PCDHA8: variants seen among roughly 807,000 people sequenced by gnomAD.
PCDHA8 encodes protocadherin alpha 8.
PCDHA8 carries 53 observed loss-of-function variants against 61.8 expected under a neutral mutation model. The ratio of observed to expected loss-of-function variants is 0.86; its 90% confidence interval spans 0.69 to 1.08. The LOEUF is 1.08. Ranked by LOEUF, PCDHA8 falls within the 50% of genes least tolerant of loss-of-function variation. The probability of loss-of-function intolerance (pLI) is 0.00; values close to 1 mark genes in which losing one functional copy is unlikely to be tolerated. For synonymous variants in PCDHA8, 618 were observed against 556.6 expected, an observed-to-expected ratio of 1.11 and a Z score of -1.55; for missense variants, 1,293 against 1,245.0, an observed-to-expected ratio of 1.04 and a Z score of -0.58.
In PCDHA8 at chr5:140,841,445, G is replaced by C. The variant is rs1777235481; in HGVS notation, c.124G>C (p.Gly42Arg). ...HYSVPEEAKHGTFVGRIAQDL... is the reference protein window; with the variant it reads ...HYSVPEEAKHRTFVGRIAQDL... The stretch of plus-strand genomic sequence containing the variant: ...CTCCGTCCCCGAGGAGGCCAAACAC[G>C]GCACCTTCGTGGGCCGGATCGCGCA... Residue 42 changes from glycine (G) to arginine (R), a missense_variant, in exon 1 of 4, where the codon GGC becomes CGC. Gly to Arg is a moderately radical substitution (Grantham distance 125). Coordinates refer to ENST00000531613, the MANE Select transcript of PCDHA8 (RefSeq NM_018911.3). The C allele has an allele frequency of 3.7e-6, 6 of 1,612,934 alleles. No homozygotes were observed. Among genetic ancestry groups the C allele is most frequent in the South Asian group, 1.1e-5 (1 of 91,024 alleles).
rs2150412842 is a variant in PCDHA8 at position 140,848,560 on chromosome 5, C to A, written c.2394+4845C>A. 2.5e-6 allele frequency: 4 copies of A among 1,595,490 alleles called. No homozygotes were observed. The highest frequency in any genetic ancestry group is 3.4e-5 in the Admixed American group (2 of 59,252). On this transcript the variant is annotated intron_variant, in intron 1 of 3. Coordinates refer to ENST00000531613, the MANE Select transcript of PCDHA8 (RefSeq NM_018911.3). ...CTACTGCTCTCGCTTCTGATCCTCG[C>A]AATGTGGGTGGTGGGGAGCGGCCAG...
intron 1 of PCDHA8, among the ~76,000 whole-genome samples, chr5:140,925,337 A>G (rs2082438861): frequency 6.6e-6 from 1 of 152,072 alleles, no homozygotes; most frequent in South Asian, 2.1e-4. Flanking sequence ...TAAAAGAAGG[A>G]TTTGAGTGAG....
chr5:140,850,984 T>G (rs2150504982), intron 1 of PCDHA8: 15 of 1,451,674 alleles, frequency 1.0e-5, no homozygotes, highest in Non-Finnish European at 1.3e-5. Flanking sequence ...GTTTTATTCA[T>G]TTTTCTAGAA....
In PCDHA8 at chr5:140,842,984, G is replaced by A. The variant is rs2150349206; in HGVS notation, c.1663G>A (p.Val555Met). 26 of 1,594,918 alleles carry A rather than the reference G, an allele frequency of 1.6e-5. 1 individual carries two copies. The East Asian group carries it at 4.7e-4, about 29-fold the overall frequency. The change falls in exon 1 of 4, where the codon GTG becomes ATG. Residue 555 changes from valine to methionine, a missense_variant. Coordinates refer to ENST00000531613, the MANE Select transcript of PCDHA8 (RefSeq NM_018911.3). ...LGSNVTLQVF[V>M]LDENDNAPAL... ...CAGCAACGTGACGCTGCAGGTGTTCGTGCTGGACGAGAATGACAACGCGCC... is the reference window on the plus strand; with the variant it reads ...CAGCAACGTGACGCTGCAGGTGTTCATGCTGGACGAGAATGACAACGCGCC...
At chr5:140,964,840 C>G (rs1270845085) in intron 1 of PCDHA8, among the ~76,000 whole-genome samples, 1 of 152,152 alleles carries the variant, frequency 6.6e-6, no homozygotes, top group Non-Finnish European at 1.5e-5. Flanking sequence ...GCTTCCTACT[C>G]TGTACCCTTG....
intron 1 of PCDHA8, chr5:140,883,878 C>T: frequency 1.9e-6 from 3 of 1,613,260 alleles, no homozygotes; most frequent in Middle Eastern, 1.7e-4. Context: ...CAGGTGAGCG[C>T]GCGCGACTCT....
chr5:140,870,317 C>T (rs782216904), intron 1 of PCDHA8: 9 of 1,614,198 alleles, frequency 5.6e-6, no homozygotes, highest in South Asian at 2.2e-5. Flanking sequence ...AATTACTACT[C>T]GTTGGTGCTG....
chr5:140,924,909 AAT>A (rs1563069038), intron 1 of PCDHA8, among the ~76,000 whole-genome samples: 1,502 of 66,200 alleles, frequency 0.023, 33 homozygotes, highest in African/African-American at 0.07. Context: ...AAAAAAATAA[AAT>A]AAAATAAAAT....
intron 1 of PCDHA8, chr5:140,876,047 C>T (rs1305657261): frequency 5.0e-6 from 8 of 1,613,744 alleles, no homozygotes; most frequent in Non-Finnish European, 6.8e-6. Context: ...AGTATATTGC[C>T]TGAATTAGTT....
intron 3 of PCDHA8, among the ~76,000 whole-genome samples, chr5:141,005,619 G>A (rs996010701): frequency 6.8e-5 from 10 of 146,082 alleles, no homozygotes; most frequent in South Asian, 2.2e-4. Flanking sequence ...GGAGAATGGC[G>A]TGAACCCGGG....
chr5:140,857,552 T>G lies in PCDHA8; in HGVS notation c.2394+13837T>G, dbSNP rs782203645. 82 of 1,596,700 alleles carry G rather than the reference T, an allele frequency of 5.1e-5. 3 individuals carry two copies. The Middle Eastern group carries it at 9.6e-4, about 19-fold the overall frequency. ...GGTGGAGCGGCGGTTGGGCGAGCGC[T>G]CGCTGTCGAGCTACGTGTCGGTGCA... On this transcript the variant is annotated intron_variant, in intron 1 of 3. Transcript: ENST00000531613.
intron 1 of PCDHA8, among the ~76,000 whole-genome samples, chr5:140,893,065 A>G (rs2063802609): frequency 6.6e-6 from 1 of 152,226 alleles, no homozygotes; most frequent in South Asian, 2.1e-4. Context: ...TACTGCCATG[A>G]ATAACAGGAT....
intron 3 of PCDHA8, among the ~76,000 whole-genome samples, chr5:140,988,231 A>G (rs2097289009): frequency 6.6e-6 from 1 of 152,150 alleles, no homozygotes. Context: ...TCAGGGATCT[A>G]TGTGAGTGGG....
chr5:140,899,969 A>G (rs2067649868), intron 1 of PCDHA8, among the ~76,000 whole-genome samples: 1 of 151,820 alleles, frequency 6.6e-6, no homozygotes, highest in African/African-American at 2.4e-5. Flanking sequence ...TGCCATGCCC[A>G]GCTACTTTTT....
chr5:140,967,451 G>A, intron 1 of PCDHA8: 2 of 1,613,628 alleles, frequency 1.2e-6, no homozygotes, highest in South Asian at 2.2e-5. Flanking sequence ...GGTTCTCACA[G>A]CCGTGGATGG....
At chr5:140,875,518 C>T in intron 1 of PCDHA8, 1 of 1,614,008 alleles carries the variant, frequency 6.2e-7, no homozygotes, top group Non-Finnish European at 8.5e-7. Flanking sequence ...GCGTCTGCTG[C>T]TCTCGCTTCT....
intron 1 of PCDHA8, among the ~76,000 whole-genome samples, chr5:140,899,719 C>A (rs2067514429): frequency 6.6e-6 from 1 of 152,198 alleles, no homozygotes; most frequent in Non-Finnish European, 1.5e-5. Flanking sequence ...AGGATTCCCT[C>A]TTTTTCTATT....
chr5:140,969,023 C>T lies in PCDHA8; in HGVS notation c.2395-9926C>T. ...CTTCTGTGGAGTAAGGGAAAGGTCC[C>T]CTGCAGAACTGTACAAACAAGCCAA... is the stretch of plus-strand genomic sequence containing the variant. On this transcript the variant is annotated intron_variant, in intron 1 of 3. Coordinates refer to ENST00000531613, the MANE Select transcript of PCDHA8 (RefSeq NM_018911.3). The T allele has an allele frequency of 3.1e-6, 5 of 1,614,124 alleles. No homozygotes were observed. In the Admixed American group the frequency reaches 5.0e-5, roughly 16 times the overall value.
chr5:140,998,547 A>C (rs1173862918), intron 3 of PCDHA8, among the ~76,000 whole-genome samples: 4 of 150,288 alleles, frequency 2.7e-5, no homozygotes, highest in African/African-American at 9.8e-5. Flanking sequence ...TCCTAATTTA[A>C]TGTCTAATTT....
Sources: allele counts gnomAD v4.1 joint callset (sites outside exome capture counted in the v4.1 genomes callset), GRCh38; gene constraint gnomAD v4.1.1; transcripts MANE v1.5; gene names NCBI Gene and HGNC (gene_info 2026-07-23, HGNC 2026-07-21).